Variants in WARS2 observed in about 807,000 individuals in gnomAD.
The protein encoded by WARS2 is tryptophanyl tRNA synthetase 2, mitochondrial.
WARS2 carries 28 observed loss-of-function variants against 36.5 expected under a neutral mutation model. That is an observed-to-expected ratio of 0.77 (90% CI 0.57 to 1.05). The LOEUF (loss-of-function observed/expected upper bound fraction) is 1.05. Among genes scored for constraint, WARS2 ranks in the 50% least tolerant of loss-of-function variants. The pLI, the probability that WARS2 is intolerant of heterozygous loss-of-function variation, is 0.00. For synonymous variants in WARS2, 174 were observed against 178.4 expected (o/e 0.98, Z 0.20); for missense variants, 435 against 456.8 (o/e 0.95, Z 0.44).
At position 119,140,637 on chromosome 1, in the gene WARS2, A is replaced by C. The variant is rs780393540; in HGVS notation, c.8T>G (p.Leu3Arg). The C allele has an allele frequency of 1.9e-6, 3 of 1,612,772 alleles. No homozygotes were observed. Among genetic ancestry groups the C allele is most frequent in the Non-Finnish European group, 8.5e-7 (1 of 1,179,208 alleles). Reference sequence around the variant, plus strand: ...CTCACGCGCTTTCCGCATTGAGTGCAGCGCCATCTTGAGAAGGGCGGAGCC... The same window carrying C: ...CTCACGCGCTTTCCGCATTGAGTGCCGCGCCATCTTGAGAAGGGCGGAGCC... MA[L>R]HSMRKARERW... Residue 3 changes from leucine to arginine, a missense_variant, in exon 1 of 6, where the codon CTG (leucine) becomes CGG (arginine). Physicochemically the swap from Leu to Arg is moderately radical, Grantham distance 102. Transcript: ENST00000235521.
chr1:119,126,353 C>T (rs1245580795), intron 1 of WARS2, among the ~76,000 whole-genome samples: 4 of 152,104 alleles, frequency 2.6e-5, no homozygotes, highest in Non-Finnish European at 5.9e-5. Flanking sequence ...AGCTCTCAAC[C>T]CTGCTTATAA....
At chr1:119,047,115 G>T (rs1648921267) in intron 2 of WARS2, among the ~76,000 whole-genome samples, 1 of 152,198 alleles carries the variant, frequency 6.6e-6, no homozygotes, top group Admixed American at 6.5e-5. Flanking sequence ...CACTGTCCAT[G>T]CAAATTGCTA....
At chr1:119,109,553 T>C (rs1654481141) in intron 1 of WARS2, among the ~76,000 whole-genome samples, 1 of 151,934 alleles carries the variant, frequency 6.6e-6, no homozygotes, top group African/African-American at 2.4e-5. Context: ...TCATGGTATA[T>C]CCCCATCTCT....
intron 1 of WARS2, among the ~76,000 whole-genome samples, chr1:119,130,348 C>T (rs976334154): frequency 1.3e-5 from 2 of 152,184 alleles, no homozygotes; most frequent in African/African-American, 4.8e-5. Context: ...TATGTCTACA[C>T]TTTTCTATAT....
chr1:119,122,909 G>GA (rs1051933409), intron 1 of WARS2, among the ~76,000 whole-genome samples: 5 of 151,472 alleles, frequency 3.3e-5, no homozygotes, highest in Non-Finnish European at 7.4e-5. Flanking sequence ...GGGTGATGGA[G>GA]AAAAAAAAGA....
intron 1 of WARS2, among the ~76,000 whole-genome samples, chr1:119,118,196 G>T (rs4659150): frequency 0.37 from 56,102 of 151,548 alleles, 11,309 homozygotes; most frequent in East Asian, 0.8. Flanking sequence ...AGGATATGGA[G>T]GAAAAAGTTC....
chr1:119,135,739 T>TAGATAGAG (rs1553183264), intron 1 of WARS2, among the ~76,000 whole-genome samples: 1 of 115,838 alleles, frequency 8.6e-6, no homozygotes, highest in Non-Finnish European at 1.9e-5. Context: ...GATAGATAGA[T>TAGATAGAG]AGATAGATAG....
chr1:119,099,883 C>A (rs1392952260), intron 1 of WARS2, among the ~76,000 whole-genome samples: 2 of 152,208 alleles, frequency 1.3e-5, no homozygotes, highest in East Asian at 3.8e-4. Context: ...CTCCTGCACA[C>A]TGGCTAGGCA....
chr1:119,080,240 G>A (rs1019354574), intron 1 of WARS2, among the ~76,000 whole-genome samples: 6 of 152,178 alleles, frequency 3.9e-5, no homozygotes, highest in African/African-American at 1.4e-4. Flanking sequence ...TTATGGTAAT[G>A]TAAAGGGTTA....
intron 1 of WARS2, among the ~76,000 whole-genome samples, chr1:119,111,808 A>G (rs1361802471): frequency 2.0e-5 from 3 of 152,080 alleles, no homozygotes; most frequent in African/African-American, 4.8e-5. Context: ...ATACCAGTAC[A>G]TTGTGGTTCT....
At chr1:119,085,865 G>A (rs1318249468) in intron 1 of WARS2, 37 of 1,610,310 alleles carry the variant, frequency 2.3e-5, no homozygotes, top group East Asian at 2.0e-4. Context: ...CCTTGTACTC[G>A]GAGTGCCAGG....
chr1:119,137,439 G>C (rs1656590047), intron 1 of WARS2, among the ~76,000 whole-genome samples: 1 of 152,074 alleles, frequency 6.6e-6, no homozygotes. Flanking sequence ...CCCAGACTAG[G>C]AACCGCTAAT....
At chr1:119,037,413 T>G (rs866226918) in intron 4 of WARS2, among the ~76,000 whole-genome samples, 2 of 152,222 alleles carry the variant, frequency 1.3e-5, no homozygotes, top group South Asian at 4.1e-4. Flanking sequence ...TTATTTCTTT[T>G]TCTACTTTTT....
rs587713957 is a variant in WARS2, at chr1:119,076,296, T to C, written c.348+54A>G. The C allele has an allele frequency of 5.0e-5, 79 of 1,587,024 alleles. No individual in the cohort carries two copies. In the East Asian group the frequency reaches 1.6e-3, roughly 31 times the overall value. On this transcript the variant is annotated intron_variant, in intron 2 of 5. Transcript: ENST00000235521. Reference sequence around the variant, plus strand: ...GCTGTATGAACCATTCAACATTTTTTCCTCAAATAATCTACACATAAGAGT... The same window carrying C: ...GCTGTATGAACCATTCAACATTTTTCCCTCAAATAATCTACACATAAGAGT...
At chr1:119,134,546 A>G (rs1273611779) in intron 1 of WARS2, among the ~76,000 whole-genome samples, 1 of 152,140 alleles carries the variant, frequency 6.6e-6, no homozygotes, top group Non-Finnish European at 1.5e-5. Context: ...CCTATAAATG[A>G]CCTTGCTATG....
chr1:119,131,105 C>G (rs1175697903), intron 1 of WARS2, among the ~76,000 whole-genome samples: 1 of 152,166 alleles, frequency 6.6e-6, no homozygotes, highest in Non-Finnish European at 1.5e-5. Context: ...ATACAATGTC[C>G]TATAAAATTT....
intron 1 of WARS2, among the ~76,000 whole-genome samples, chr1:119,117,923 T>C (rs1240549379): frequency 1.3e-5 from 2 of 152,184 alleles, no homozygotes; most frequent in Non-Finnish European, 1.5e-5. Context: ...CCAAAGAACC[T>C]GAACAGCAGC....
chr1:119,107,697 G>GAGA (rs587671595), intron 1 of WARS2, among the ~76,000 whole-genome samples: 5 of 138,626 alleles, frequency 3.6e-5, no homozygotes, highest in African/African-American at 1.3e-4. Context: ...GAGAGAGAGA[G>GAGA]ATTAGTTAGG....
chr1:119,114,648 T>C (rs1654853095), intron 1 of WARS2, among the ~76,000 whole-genome samples: 2 of 152,182 alleles, frequency 1.3e-5, no homozygotes, highest in African/African-American at 4.8e-5. Context: ...CAGAGTATAG[T>C]TGAGGACCAT....
Sources: gnomAD v4.1 joint callset for allele counts (sites outside exome capture counted in the v4.1 genomes callset) on GRCh38, gnomAD v4.1.1 for gene constraint, MANE v1.5 for transcripts, NCBI Gene and HGNC (gene_info 2026-07-23, HGNC 2026-07-21) for gene names.